Variants in C2CD5 observed in about 807,000 individuals in gnomAD.
C2CD5 encodes the protein C2 calcium dependent domain containing 5.
C2CD5 carries 109 observed loss-of-function variants against 130.3 expected under a neutral mutation model. The observed-to-expected ratio is 0.84, with a 90% CI of 0.72 to 0.98. The LOEUF (loss-of-function observed/expected upper bound fraction) is 0.98, where lower values mean the gene tolerates loss of function less well. C2CD5 is among the 50% of genes least tolerant of loss of function. C2CD5 has a pLI of 0.00. For synonymous variants in C2CD5, 454 were observed against 429.2 expected (o/e 1.06, Z -0.71); for missense variants, 996 against 1,261.8 (o/e 0.79, Z 3.19).
Position 22,484,116 on chromosome 12 carries a change from T to C in C2CD5, c.1550+581A>G, listed in dbSNP as rs1057236326. On this transcript the variant is annotated intron_variant, in intron 13 of 26. Transcript: ENST00000446597. ...GATTATACATAAAGGTAGGAAAACATAGAAGGTGTAGCATCATGAAGTCAA... is the reference window on the plus strand; with the variant it reads ...GATTATACATAAAGGTAGGAAAACACAGAAGGTGTAGCATCATGAAGTCAA... Among the ~76,000 whole-genome samples, 31 of 152,202 alleles carry C rather than the reference T, an allele frequency of 2.0e-4. 1 individual carries two copies. Among genetic ancestry groups the C allele is most frequent in the South Asian group, 6.2e-4 (3 of 4,824 alleles).
chr12:22,503,580 G>A (rs564268327), intron 10 of C2CD5, among the ~76,000 whole-genome samples: 1 of 151,776 alleles, frequency 6.6e-6, no homozygotes, highest in African/African-American at 2.4e-5. Flanking sequence ...GCATGATCTC[G>A]GCTTACTGCA....
In C2CD5 at chr12:22,492,347, G is replaced by A. The variant is rs576398217; in HGVS notation, c.1262+876C>T. On this transcript the variant is annotated intron_variant, in intron 11 of 26. Transcript: ENST00000446597. ...AAGTAAGGAGCTGAGAAAACAACTGGTTAAGGTAAGGGTCAAAACAAACTA... is the reference window on the plus strand; with the variant it reads ...AAGTAAGGAGCTGAGAAAACAACTGATTAAGGTAAGGGTCAAAACAAACTA... Among the ~76,000 whole-genome samples, 7 of 152,256 alleles carry A rather than the reference G, an allele frequency of 4.6e-5. No individual in the cohort carries two copies. The South Asian group carries it at 1.5e-3, about 32-fold the overall frequency.
At chr12:22,490,067 AG>A in intron 12 of C2CD5, 55 bp downstream of exon 12, 1 of 1,294,090 alleles carries the variant, frequency 7.7e-7, no homozygotes, top group Non-Finnish European at 1.1e-6. Flanking sequence ...TCAGAAAAAA[AG>A]TCGACCTCTC....
At chr12:22,516,718 A>AT (rs895340164) in intron 8 of C2CD5, among the ~76,000 whole-genome samples, 1 of 151,578 alleles carries the variant, frequency 6.6e-6, no homozygotes, top group Non-Finnish European at 1.5e-5. Context: ...TCTCAAAAAT[A>AT]TTTTTTTAAA....
At chr12:22,508,014 T>C (rs992791610) in intron 9 of C2CD5, among the ~76,000 whole-genome samples, 2 of 152,116 alleles carry the variant, frequency 1.3e-5, no homozygotes, top group African/African-American at 4.8e-5. Context: ...GGTAAAGAGA[T>C]ACAGAATACC....
At chr12:22,456,511 T>A (rs1337778558) in intron 25 of C2CD5, among the ~76,000 whole-genome samples, 2 of 152,194 alleles carry the variant, frequency 1.3e-5, no homozygotes, top group Non-Finnish European at 2.9e-5. Context: ...AATGTCATCC[T>A]CATACACTAA....
chr12:22,501,730 A>C (rs570193946), intron 10 of C2CD5, among the ~76,000 whole-genome samples: 1 of 152,234 alleles, frequency 6.6e-6, no homozygotes, highest in South Asian at 2.1e-4. Flanking sequence ...GGTTTACCAG[A>C]CTGAATTTAG....
intron 13 of C2CD5, among the ~76,000 whole-genome samples, chr12:22,483,914 A>G (rs1945087399): frequency 6.6e-6 from 1 of 152,188 alleles, no homozygotes; most frequent in Non-Finnish European, 1.5e-5. Context: ...TATGAAGTAG[A>G]CAGGTATAAG....
chr12:22,519,283 A>G (rs766710470), intron 7 of C2CD5: 2 of 1,494,248 alleles, frequency 1.3e-6, no homozygotes, highest in South Asian at 1.2e-5. Context: ...AAAACAATAC[A>G]TACAACAGAT....
intron 9 of C2CD5, chr12:22,512,698 T>TA: frequency 4.8e-6 from 7 of 1,471,972 alleles, no homozygotes; most frequent in African/African-American, 1.5e-5. Context: ...TGAAGTTTAT[T>TA]TAAAAAAAAA....
chr12:22,449,704 A>G lies in C2CD5; in HGVS notation c.*56T>C. On this transcript the variant is annotated 3_prime_UTR_variant, in exon 27 of 27. Transcript: ENST00000446597. ...TAAGTCTAAGAAGATAATTAATGACAAAATAACAGAGATTGATGAATTTCA... is the reference window on the plus strand; with the variant it reads ...TAAGTCTAAGAAGATAATTAATGACGAAATAACAGAGATTGATGAATTTCA... 2.0e-6 allele frequency: 3 copies of G among 1,470,408 alleles called. No homozygotes were observed. Among genetic ancestry groups the G allele is most frequent in the Non-Finnish European group, 1.9e-6 (2 of 1,067,106 alleles). 91.1% of individuals were successfully genotyped at this position (1,470,408 alleles called of 1,614,324 possible). A position where few individuals can be genotyped will look rare whatever the true frequency, so the allele number is the denominator to read the frequency against.
At chr12:22,469,892 C>A in intron 21 of C2CD5, 97 bp from the exon 22 acceptor site, 1 of 614,100 alleles carries the variant, frequency 1.6e-6, no homozygotes. Context: ...ATATTCTCAG[C>A]TCCATCTCCC....
At chr12:22,532,318 G>A (rs566921869) in intron 3 of C2CD5, among the ~76,000 whole-genome samples, 85 of 144,722 alleles carry the variant, frequency 5.9e-4, no homozygotes, top group African/African-American at 2.0e-3. Flanking sequence ...CAACGGGAGT[G>A]AAACTCCGTC....
chr12:22,449,871 T>A lies in C2CD5; in HGVS notation c.3045A>T (p.Val1015=), dbSNP rs763885442. The A allele has an allele frequency of 1.6e-5, 26 of 1,609,922 alleles. No individual in the cohort carries two copies. The change falls in exon 27 of 27, where the codon GTA becomes GTT. Residue 1015 remains valine (V), a synonymous_variant. Coordinates refer to ENST00000446597, the MANE Select transcript of C2CD5 (RefSeq NM_001286176.2). The part of the protein sequence containing the change: ...NKNQAQCLIN[V]SGDAVVFVRE... Reference sequence around the variant, plus strand: ...GAACAAAAACCACTGCATCACCACTTACATTTATAAGACACTGTGCCTATA... The same window carrying A: ...GAACAAAAACCACTGCATCACCACTAACATTTATAAGACACTGTGCCTATA...
intron 10 of C2CD5, among the ~76,000 whole-genome samples, chr12:22,497,210 G>T (rs945515025): frequency 6.6e-6 from 1 of 151,998 alleles, no homozygotes; most frequent in Non-Finnish European, 1.5e-5. Flanking sequence ...GAAGAAAAAA[G>T]AAATTATTCT....
intron 3 of C2CD5, among the ~76,000 whole-genome samples, chr12:22,529,251 T>C (rs1253402847): frequency 6.6e-6 from 1 of 152,202 alleles, no homozygotes; most frequent in Non-Finnish European, 1.5e-5. Context: ...CCAAATCATC[T>C]GTCATCCAAT....
At chr12:22,491,852 A>C (rs1338259631) in intron 11 of C2CD5, among the ~76,000 whole-genome samples, 1 of 152,000 alleles carries the variant, frequency 6.6e-6, no homozygotes, top group African/African-American at 2.4e-5. Flanking sequence ...AGCCTGAGTG[A>C]AAGAGTGAAA....
chr12:22,475,884 A>T (rs1943768376), intron 15 of C2CD5, among the ~76,000 whole-genome samples: 1 of 152,112 alleles, frequency 6.6e-6, no homozygotes, highest in South Asian at 2.1e-4. Context: ...AATTTGGAAA[A>T]CTAGCAAGTG....
chr12:22,471,875 G>T, intron 19 of C2CD5, 92 bp downstream of exon 19: 1 of 758,418 alleles, frequency 1.3e-6, no homozygotes, highest in Non-Finnish European at 2.4e-6. Context: ...GCCCACAACT[G>T]TGTAAGGTAT....
Sources: gnomAD v4.1 joint callset for allele counts (sites outside exome capture counted in the v4.1 genomes callset) on GRCh38, gnomAD v4.1.1 for gene constraint, MANE v1.5 for transcripts, NCBI Gene and HGNC (gene_info 2026-07-23, HGNC 2026-07-21) for gene names.